Variants in NUB1 observed in about 807,000 individuals in gnomAD.
NUB1 encodes NEDD8 ultimate buster 1.
Under a neutral mutation model 77.1 loss-of-function variants are expected in NUB1, and 41 were observed. The ratio of observed to expected loss-of-function variants is 0.53; its 90% CI spans 0.41 to 0.69. The LOEUF is 0.69. Ranked by LOEUF, NUB1 falls within the 30% of genes least tolerant of loss-of-function variation. NUB1 has a pLI of 0.00. For synonymous variants in NUB1, 257 were observed against 281.0 expected (o/e 0.91, Z 0.85); for missense variants, 643 against 743.8 (o/e 0.86, Z 1.58).
At chr7:151,363,192 G>A (rs968546801) in intron 8 of NUB1, among the ~76,000 whole-genome samples, 1 of 152,178 alleles carries the variant, frequency 6.6e-6, no homozygotes, top group Non-Finnish European at 1.5e-5. Context: ...TGACACAGAA[G>A]ATAGAATTAG....
intron 11 of NUB1, among the ~76,000 whole-genome samples, chr7:151,371,369 C>CT (rs397945466): frequency 7.8e-6 from 1 of 127,796 alleles, no homozygotes; most frequent in Non-Finnish European, 1.6e-5. Context: ...CCCCACCCCC[C>CT]ACCCCATGTC....
In NUB1 at chr7:151,375,059, T is replaced by A. The variant is rs1472400661; in HGVS notation, c.1396-789T>A. ...AGAGATGGGGTTGGAGGGGGTGGGG[T>A]GCAGGGCAGGTGTCCTCGTTTGCCC... On this transcript the variant is annotated intron_variant, in intron 12 of 14. Transcript: ENST00000568733. Among the ~76,000 whole-genome samples the A allele has an allele frequency of 2.8e-5, 4 of 144,624 alleles. No homozygotes were observed. The South Asian group carries it at 9.1e-4, about 33-fold the overall frequency. The allele number at this position is 144,624 out of a possible 152,430, so 94.9% of individuals were successfully genotyped here.
chr7:151,346,603 C>G (rs1339719851), intron 2 of NUB1, among the ~76,000 whole-genome samples: 1 of 152,194 alleles, frequency 6.6e-6, no homozygotes, highest in African/African-American at 2.4e-5. Flanking sequence ...AACTTCCATA[C>G]AAACCCCTAA....
rs192196593 is a variant in NUB1, at chr7:151,348,908, C to G, written c.118-165C>G. The stretch of plus-strand genomic sequence containing the variant: ...GTGTTTTCACTTTTTCCTGGCCTCT[C>G]TAAACTCCACACCTCTCAAGATGTC... On this transcript the variant is annotated intron_variant, in intron 2 of 14. Coordinates refer to ENST00000568733, the MANE Select transcript of NUB1 (RefSeq NM_001243351.2). Among the ~76,000 whole-genome samples, 575 of 152,214 alleles carry G rather than the reference C, an allele frequency of 3.8e-3. 6 individuals carry two copies. The highest frequency in any genetic ancestry group is 0.013 in the African/African-American group (537 of 41,538).
chr7:151,363,704 T>C (rs1400030081), intron 8 of NUB1, among the ~76,000 whole-genome samples: 1 of 152,184 alleles, frequency 6.6e-6, no homozygotes, highest in African/African-American at 2.4e-5. Flanking sequence ...TCCAATTCCC[T>C]AAAACCAGTA....
chr7:151,370,111 T>A (rs1485458727), intron 11 of NUB1, among the ~76,000 whole-genome samples: 1 of 151,264 alleles, frequency 6.6e-6, no homozygotes. Flanking sequence ...TTTTTTTTTT[T>A]ATTCCAGAGT....
chr7:151,344,314 A>ATTT (rs1467672063), intron 1 of NUB1, among the ~76,000 whole-genome samples: 4 of 147,970 alleles, frequency 2.7e-5, no homozygotes, highest in African/African-American at 9.9e-5. Context: ...ATATTTATAT[A>ATTT]TTTATTATTA....
At chr7:151,344,180 C>CAAAAAAAAAAAAAAA (rs561127147) in intron 1 of NUB1, among the ~76,000 whole-genome samples, 16 of 45,640 alleles carry the variant, frequency 3.5e-4, no homozygotes, top group Middle Eastern at 0.019. Flanking sequence ...GACTCCCTCT[C>CAAAAAAAAAAAAAAA]AAAAAAAAAA....
intron 1 of NUB1, among the ~76,000 whole-genome samples, chr7:151,343,705 A>G (rs557661671): frequency 6.6e-6 from 1 of 152,224 alleles, no homozygotes; most frequent in East Asian, 1.9e-4. Flanking sequence ...TCTGGGAGAG[A>G]GAAGTTACAT....
intron 1 of NUB1, among the ~76,000 whole-genome samples, chr7:151,343,425 G>A (rs1049063268): frequency 3.3e-5 from 5 of 152,214 alleles, no homozygotes; most frequent in Non-Finnish European, 5.9e-5. Flanking sequence ...TGTGTGAATT[G>A]GGTTTGGGGG....
chr7:151,375,723 C>T (rs1798185149), intron 12 of NUB1, 125 bp from the exon 13 acceptor site: 3 of 661,422 alleles, frequency 4.5e-6, no homozygotes, highest in Non-Finnish European at 8.5e-6. Flanking sequence ...GAGTGGGAGC[C>T]CCTTTCTCTG....
intron 2 of NUB1, 106 bp from the exon 3 acceptor site, chr7:151,348,967 A>AC (rs1796656617): frequency 2.1e-6 from 2 of 957,246 alleles, no homozygotes. Context: ...TAACGGGGCG[A>AC]CCTCCACTCA....
In NUB1 at chr7:151,374,169, G is replaced by C. The variant is rs1399221234; in HGVS notation, c.1321G>C (p.Gly441Arg). 4 of 1,576,786 alleles carry C rather than the reference G, an allele frequency of 2.5e-6. No individual in the cohort carries two copies. The highest frequency in any genetic ancestry group is 3.4e-6 in the Non-Finnish European group (4 of 1,161,752). Residue 441 changes from glycine (G) to arginine (R), a missense_variant, in exon 12 of 15, where the codon GGG becomes CGG. Gly to Arg is a moderately radical substitution (Grantham distance 125). Coordinates refer to ENST00000568733, the MANE Select transcript of NUB1 (RefSeq NM_001243351.2). ...CCTCGAGAACATCAGGTTTCTGAAAGGGATGGGCTACTCCACGCACGCGGC... is the reference window on the plus strand; with the variant it reads ...CCTCGAGAACATCAGGTTTCTGAAACGGATGGGCTACTCCACGCACGCGGC... ...RRLENIRFLK[G>R]MGYSTHAAQQ...
intron 2 of NUB1, among the ~76,000 whole-genome samples, chr7:151,346,824 A>G (rs1049486637): frequency 2.0e-5 from 3 of 152,198 alleles, no homozygotes; most frequent in Non-Finnish European, 1.5e-5. Context: ...GTTCTAGCAA[A>G]TCATGGAACC....
At chr7:151,348,710 G>A (rs113711755) in intron 2 of NUB1, among the ~76,000 whole-genome samples, 2,042 of 150,770 alleles carry the variant, frequency 0.014, 60 homozygotes, top group African/African-American at 0.047. Context: ...CAAGTAGCTG[G>A]GCCTACAGGC....
In NUB1 at chr7:151,345,385, C is replaced by G. The variant is rs553527182; in HGVS notation, c.36C>G (p.Thr12=). ...AQKKYLQAKL[T]QFLREDRIQL... ...AGAAATATCTTCAAGCAAAATTGAC[C>G]CAGTTTTTAAGGGAAGACAGGATTC... The change falls in exon 2 of 15, where the codon ACC becomes ACG. Residue 12 remains threonine (T), a synonymous_variant. Coordinates refer to ENST00000568733, the MANE Select transcript of NUB1 (RefSeq NM_001243351.2). The G allele has an allele frequency of 6.2e-7, 1 of 1,611,726 alleles. No homozygotes were observed. Among genetic ancestry groups the G allele is most frequent in the East Asian group, 2.2e-5 (1 of 44,702 alleles).
At chr7:151,355,060 C>T (rs763805739) in intron 5 of NUB1, among the ~76,000 whole-genome samples, 5 of 152,206 alleles carry the variant, frequency 3.3e-5, no homozygotes, top group African/African-American at 9.7e-5. Context: ...TGCTTTTAAC[C>T]GTGACAGACT....
chr7:151,345,343 T>C lies in NUB1; in HGVS notation c.-2-5T>C. The C allele has an allele frequency of 6.3e-7, 1 of 1,577,200 alleles. No individual in the cohort carries two copies. Among genetic ancestry groups the C allele is most frequent in the Non-Finnish European group, 8.7e-7 (1 of 1,149,112 alleles). On this transcript the variant is annotated splice_region_variant and splice_polypyrimidine_tract_variant and intron_variant, in intron 1 of 14. Transcript: ENST00000568733. ...AGTTTTATTAATGTATTGTTTTGCT[T>C]TCAGGGATGGCACAAAAGAAATATC...
chr7:151,353,313 G>A (rs1240595909), intron 5 of NUB1, among the ~76,000 whole-genome samples: 3 of 152,128 alleles, frequency 2.0e-5, no homozygotes, highest in Non-Finnish European at 4.4e-5. Context: ...GGCTGTGTGT[G>A]GAGAATGAGG....
Sources: allele counts gnomAD v4.1 joint callset (sites outside exome capture counted in the v4.1 genomes callset), GRCh38; gene constraint gnomAD v4.1.1; transcripts MANE v1.5; gene names NCBI Gene and HGNC (gene_info 2026-07-23, HGNC 2026-07-21).